EFNA5: variants seen among roughly 807,000 people sequenced by gnomAD.
EFNA5 encodes the protein ephrin-A5.
Under a neutral mutation model 22.9 loss-of-function variants are expected in EFNA5, and 5 were observed. The observed-to-expected ratio is 0.22, with a 90% CI of 0.11 to 0.46. The LOEUF (loss-of-function observed/expected upper bound fraction) is 0.46. Ranked by LOEUF, EFNA5 falls within the 20% of genes least tolerant of loss-of-function variation. The probability of loss-of-function intolerance (pLI) is 0.99; values close to 1 mark genes in which losing one functional copy is unlikely to be tolerated. For missense variants in EFNA5, 237 were observed against 293.3 expected (o/e 0.81, Z 1.40); for synonymous variants, 113 against 112.2 (o/e 1.01, Z -0.04).
rs144432461 is a variant in EFNA5, at chr5:107,628,884, G to A, written c.125+41605C>T. ...ATACTAAAAACAAGTCATATAAGGA[G>A]ACGAAGAAGAAAGGATGGACAAACT... is the stretch of plus-strand genomic sequence containing the variant. On this transcript the variant is annotated intron_variant, in intron 1 of 4. Coordinates refer to ENST00000333274, the MANE Select transcript of EFNA5 (RefSeq NM_001962.3). 3.4e-4 allele frequency among the ~76,000 whole-genome samples: 52 copies of A among 152,262 alleles called. No homozygotes were observed. The East Asian group carries it at 9.5e-3, about 28-fold the overall frequency.
At chr5:107,398,686 A>T (rs758941833) in intron 2 of EFNA5, among the ~76,000 whole-genome samples, 76 of 151,110 alleles carry the variant, frequency 5.0e-4, no homozygotes, top group Non-Finnish European at 9.4e-4. Flanking sequence ...GTCTCTATAT[A>T]AAAAAAAATT....
chr5:107,508,190 T>G (rs1307644533), intron 1 of EFNA5, among the ~76,000 whole-genome samples: 1 of 152,184 alleles, frequency 6.6e-6, no homozygotes, highest in Non-Finnish European at 1.5e-5. Context: ...TATCCTTCTG[T>G]TTGTTCTCTG....
At chr5:107,427,121 A>C (rs1304276980) in intron 2 of EFNA5, 96 bp downstream of exon 2, 3 of 1,322,978 alleles carry the variant, frequency 2.3e-6, no homozygotes, top group Non-Finnish European at 3.2e-6. Flanking sequence ...TCTGTAATGC[A>C]GAGTCCAGCT....
At chr5:107,510,097 A>G (rs1293405140) in intron 1 of EFNA5, among the ~76,000 whole-genome samples, 1 of 152,246 alleles carries the variant, frequency 6.6e-6, no homozygotes, top group Non-Finnish European at 1.5e-5. Context: ...GGTACAGGTC[A>G]TAAAGACCTT....
intron 1 of EFNA5, among the ~76,000 whole-genome samples, chr5:107,530,564 G>A (rs1380259498): frequency 6.6e-6 from 1 of 152,192 alleles, no homozygotes; most frequent in Non-Finnish European, 1.5e-5. Flanking sequence ...CAAATGGCCT[G>A]CAGAAAATAT....
chr5:107,530,815 G>A lies in EFNA5; in HGVS notation c.126-103306C>T, dbSNP rs552739794. Reference sequence around the variant, plus strand: ...TTTGTGTAAGGATGAGAAATAATGGGTGATACTGTTTCATGCTGTGACTGG... The same window carrying A: ...TTTGTGTAAGGATGAGAAATAATGGATGATACTGTTTCATGCTGTGACTGG... On this transcript the variant is annotated intron_variant, in intron 1 of 4. Coordinates refer to ENST00000333274, the MANE Select transcript of EFNA5 (RefSeq NM_001962.3). Among the ~76,000 whole-genome samples, 5 of 152,292 alleles carry A rather than the reference G, an allele frequency of 3.3e-5. No homozygotes were observed. In the East Asian group the frequency reaches 7.7e-4, roughly 24 times the overall value.
chr5:107,590,662 G>A (rs1046905768), intron 1 of EFNA5, among the ~76,000 whole-genome samples: 2 of 152,028 alleles, frequency 1.3e-5, no homozygotes, highest in Admixed American at 1.3e-4. Flanking sequence ...CAAAGTGCTA[G>A]GATTACAGGA....
chr5:107,412,008 T>C (rs2112403032), intron 2 of EFNA5, among the ~76,000 whole-genome samples: 1 of 152,352 alleles, frequency 6.6e-6, no homozygotes, highest in Middle Eastern at 3.4e-3. Context: ...ACAGGGATCA[T>C]ACATTTGGCA....
At chr5:107,413,939 C>CA (rs1748436670) in intron 2 of EFNA5, among the ~76,000 whole-genome samples, 1 of 152,172 alleles carries the variant, frequency 6.6e-6, no homozygotes, top group Non-Finnish European at 1.5e-5. Context: ...ATTATACCAA[C>CA]ATTCACATCA....
chr5:107,512,362 CAAAACA>C (rs1461894561), intron 1 of EFNA5, among the ~76,000 whole-genome samples: 2 of 99,318 alleles, frequency 2.0e-5, no homozygotes, highest in Non-Finnish European at 3.7e-5. Context: ...ACAAAACAAA[CAAAACA>C]ACAACAACAA....
At chr5:107,385,437 T>C (rs1057439020) in intron 4 of EFNA5, among the ~76,000 whole-genome samples, 1 of 152,204 alleles carries the variant, frequency 6.6e-6, no homozygotes, top group Non-Finnish European at 1.5e-5. Context: ...GCACAATGTG[T>C]ATCAAGAGAT....
At chr5:107,532,489 C>T (rs888611612) in intron 1 of EFNA5, among the ~76,000 whole-genome samples, 1 of 152,144 alleles carries the variant, frequency 6.6e-6, no homozygotes, top group Non-Finnish European at 1.5e-5. Context: ...AGGAATTAGC[C>T]GGGTTAAATG....
chr5:107,382,638 G>C (rs547015087), intron 4 of EFNA5, among the ~76,000 whole-genome samples: 1 of 152,258 alleles, frequency 6.6e-6, no homozygotes, highest in African/African-American at 2.4e-5. Flanking sequence ...CCAAAGGATT[G>C]GGATTATAGA....
At chr5:107,505,748 T>G (rs1747238982) in intron 1 of EFNA5, among the ~76,000 whole-genome samples, 1 of 152,200 alleles carries the variant, frequency 6.6e-6, no homozygotes, top group Non-Finnish European at 1.5e-5. Context: ...AGAGATATAA[T>G]TAACATTTGT....
At position 107,425,558 on chromosome 5, in the gene EFNA5, T is replaced by C. The variant is rs552753237; in HGVS notation, c.418+1659A>G. ...GAACATGCTGCCTGAGAAGTGTGAA[T>C]TCACTGTATGCCAGTGCTTCCTGCA... On this transcript the variant is annotated intron_variant, in intron 2 of 4. Transcript: ENST00000333274. Among the ~76,000 whole-genome samples the C allele has an allele frequency of 3.9e-5, 6 of 152,328 alleles. No individual in the cohort carries two copies. The South Asian group carries it at 1.2e-3, about 32-fold the overall frequency.
At chr5:107,636,860 TA>T (rs1050802789) in intron 1 of EFNA5, among the ~76,000 whole-genome samples, 3 of 152,230 alleles carry the variant, frequency 2.0e-5, no homozygotes, top group Non-Finnish European at 4.4e-5. Context: ...CACAGGGCAA[TA>T]ATCTGTAAAC....
chr5:107,412,972 A>C lies in EFNA5; in HGVS notation c.418+14245T>G, dbSNP rs528955760. On this transcript the variant is annotated intron_variant, in intron 2 of 4. Transcript: ENST00000333274. ...AAATGTATAATTAAAAGTACCCATA[A>C]AAATTTGTCATGGAAGCTACCATTA... is the stretch of plus-strand genomic sequence containing the variant. Among the ~76,000 whole-genome samples, 4 of 152,334 alleles carry C rather than the reference A, an allele frequency of 2.6e-5. No homozygotes were observed. In the East Asian group the frequency reaches 7.7e-4, roughly 29 times the overall value.
chr5:107,534,367 A>G (rs1747888726), intron 1 of EFNA5, among the ~76,000 whole-genome samples: 1 of 152,224 alleles, frequency 6.6e-6, no homozygotes, highest in Non-Finnish European at 1.5e-5. Context: ...GCTAAGAGAA[A>G]GCAACACATG....
At chr5:107,504,396 T>A (rs1747206776) in intron 1 of EFNA5, among the ~76,000 whole-genome samples, 1 of 152,138 alleles carries the variant, frequency 6.6e-6, no homozygotes, top group Non-Finnish European at 1.5e-5. Flanking sequence ...TGATATGTTA[T>A]ATATATAAAA....
Sources: allele counts gnomAD v4.1 joint callset (sites outside exome capture counted in the v4.1 genomes callset), GRCh38; gene constraint gnomAD v4.1.1; transcripts MANE v1.5; gene names NCBI Gene and HGNC (gene_info 2026-07-23, HGNC 2026-07-21).